FAM20C: variants seen among roughly 807,000 people sequenced by gnomAD.
FAM20C encodes extracellular serine/threonine protein kinase FAM20C.
A neutral mutation model predicts 51.5 loss-of-function variants in FAM20C; 40 were observed. That is an observed-to-expected ratio of 0.78 (90% CI 0.60 to 1.01). The LOEUF (loss-of-function observed/expected upper bound fraction) is 1.01. Ranked by LOEUF, FAM20C falls within the 50% of genes least tolerant of loss-of-function variation. The pLI is 0.00. For missense variants in FAM20C, 861 were observed against 844.7 expected (o/e 1.02, Z -0.24); for synonymous variants, 406 against 380.6 (o/e 1.07, Z -0.78).
At chr7:209,055 G>T in intron 3 of FAM20C, 79 bp downstream of exon 3, 3 of 1,406,030 alleles carry the variant, frequency 2.1e-6, no homozygotes, top group South Asian at 2.5e-5. Context: ...TGCTGGGGAT[G>T]GCCGTGTCTC....
At chr7:195,936 T>C (rs1785845564) in intron 2 of FAM20C, among the ~76,000 whole-genome samples, 1 of 152,206 alleles carries the variant, frequency 6.6e-6, no homozygotes, top group Admixed American at 6.5e-5. Context: ...GCTCCTGATC[T>C]GCCGCACGAT....
intron 2 of FAM20C, among the ~76,000 whole-genome samples, chr7:207,683 G>C (rs894777082): frequency 6.6e-6 from 1 of 152,238 alleles, no homozygotes; most frequent in Non-Finnish European, 1.5e-5. Flanking sequence ...CCAGTCCCTG[G>C]TGTGGCCCCG....
chr7:235,371 G>C (rs977697172), intron 3 of FAM20C, among the ~76,000 whole-genome samples: 1 of 152,144 alleles, frequency 6.6e-6, no homozygotes, highest in African/African-American at 2.4e-5. Context: ...AGTGGAGCCC[G>C]TGACATGAGT....
At chr7:249,171 C>G (rs1271350025) in intron 5 of FAM20C, among the ~76,000 whole-genome samples, 1 of 152,260 alleles carries the variant, frequency 6.6e-6, no homozygotes, top group Admixed American at 6.5e-5. Context: ...GACCTCCCCA[C>G]TCGGACTTAA....
At chr7:254,881 G>A (rs1034932178) in intron 5 of FAM20C, among the ~76,000 whole-genome samples, 4 of 152,170 alleles carry the variant, frequency 2.6e-5, no homozygotes, top group Admixed American at 6.5e-5. Flanking sequence ...GGCCTCCTTC[G>A]CGGAGCACAG....
chr7:258,670 G>C lies in FAM20C; in HGVS notation c.1470G>C (p.Glu490Asp). 6.5e-7 allele frequency: 1 copy of C among 1,536,746 alleles called. No individual in the cohort carries two copies. Among genetic ancestry groups the C allele is most frequent in the Non-Finnish European group, 8.7e-7 (1 of 1,146,552 alleles). ...GGTTTGGGAAGTATTCGCACGACGAGCTCTCCATCCTGGTGCCGCTACAGC... is the reference window on the plus strand; with the variant it reads ...GGTTTGGGAAGTATTCGCACGACGACCTCTCCATCCTGGTGCCGCTACAGC... Reference protein sequence around the residue: ...GRGFGKYSHDELSILVPLQQC... With the variant: ...GRGFGKYSHDDLSILVPLQQC... The change falls in exon 9 of 10, where the codon GAG (glutamate) becomes GAC (aspartate). Residue 490 changes from glutamate to aspartate, a missense_variant. Physicochemically the swap from Glu to Asp is conservative, Grantham distance 45. Around this residue, in one of 3 missense-constraint regions of FAM20C, gnomAD observed 269 missense variants for 283.8 expected, o/e 0.95. Transcript: ENST00000313766.
At chr7:220,931 G>A (rs1434599710) in intron 3 of FAM20C, among the ~76,000 whole-genome samples, 1 of 151,296 alleles carries the variant, frequency 6.6e-6, no homozygotes, top group Non-Finnish European at 1.5e-5. Context: ...TCTCTAGCAG[G>A]GCAGGGGGCT....
At chr7:204,156 G>A (rs112056630) in intron 2 of FAM20C, among the ~76,000 whole-genome samples, 28 of 149,410 alleles carry the variant, frequency 1.9e-4, no homozygotes, top group African/African-American at 6.0e-4. Context: ...TGGTTATGGC[G>A]TCTAAGTTTT....
chr7:243,947 T>TAATA (rs1554254472), intron 3 of FAM20C, among the ~76,000 whole-genome samples: 25 of 106,900 alleles, frequency 2.3e-4, no homozygotes, highest in South Asian at 1.8e-3. Context: ...TAATAATAAT[T>TAATA]ATTATTATTA....
intron 4 of FAM20C, among the ~76,000 whole-genome samples, chr7:247,119 T>C (rs981976072): frequency 2.0e-5 from 3 of 152,156 alleles, no homozygotes; most frequent in African/African-American, 7.2e-5. Flanking sequence ...GCAGGCTTCC[T>C]AAGGAGGGGG....
intron 2 of FAM20C, among the ~76,000 whole-genome samples, chr7:207,790 G>A (rs541237189): frequency 9.5e-4 from 145 of 152,206 alleles, no homozygotes; most frequent in Non-Finnish European, 1.7e-3. Flanking sequence ...GGAGGCCCTC[G>A]CTGTGGCCAG....
In FAM20C at chr7:229,502, C is replaced by T. The variant is rs567504490; in HGVS notation, c.864-16913C>T. ...GCAGCCCTGTGGCTGGAGAGCTCGC[C>T]GTCCTCACGCAAACAGTCCAGACCA... is the stretch of plus-strand genomic sequence containing the variant. On this transcript the variant is annotated intron_variant, in intron 3 of 9. Transcript: ENST00000313766. The T allele has an allele frequency of 1.6e-4, 25 of 157,444 alleles. No individual in the cohort carries two copies. In the East Asian group the frequency reaches 3.0e-3, roughly 19 times the overall value. The allele number at this position is 157,444 out of a possible 1,614,324, so 9.8% of individuals were successfully genotyped here. A position where few individuals can be genotyped will look rare whatever the true frequency, so the allele number is the denominator to read the frequency against.
At chr7:241,813 A>C (rs1402151870) in intron 3 of FAM20C, among the ~76,000 whole-genome samples, 3 of 149,990 alleles carry the variant, frequency 2.0e-5, no homozygotes, top group African/African-American at 7.4e-5. Context: ...GTGAATGTGC[A>C]TCTGTGTGTG....
chr7:209,059 G>A (rs1029290408), intron 3 of FAM20C, 83 bp downstream of exon 3: 71 of 1,370,766 alleles, frequency 5.2e-5, no homozygotes, highest in African/African-American at 1.0e-4. Flanking sequence ...GGGGATGGCC[G>A]TGTCTCCTCC....
chr7:224,189 G>C (rs1038692335), intron 3 of FAM20C, among the ~76,000 whole-genome samples: 375 of 133,548 alleles, frequency 2.8e-3, no homozygotes, highest in African/African-American at 9.9e-3. Context: ...GAACGGCACC[G>C]TCACGGGGTC....
chr7:256,750 C>T lies in FAM20C; in HGVS notation c.1350C>T (p.Phe450=), dbSNP rs144664066. ...RILDVMDMTI[F]DFLMGNMDRH... Reference sequence around the variant, plus strand: ...TGGACGTCATGGACATGACGATCTTCGACTTCCTCATGGGTACGTCCCGCA... The same window carrying T: ...TGGACGTCATGGACATGACGATCTTTGACTTCCTCATGGGTACGTCCCGCA... The change falls in exon 7 of 10, where the codon TTC becomes TTT. Residue 450 remains phenylalanine (F), a synonymous_variant. Transcript: ENST00000313766. 2.9e-3 allele frequency: 4,399 copies of T among 1,536,128 alleles called. 101 individuals are homozygous for T. The African/African-American group carries it at 0.051, about 18-fold the overall frequency.
At chr7:247,675 T>C (rs1788222681) in intron 4 of FAM20C, among the ~76,000 whole-genome samples, 1 of 140,990 alleles carries the variant, frequency 7.1e-6, no homozygotes, top group South Asian at 2.1e-4. Flanking sequence ...GGGCTTTTTA[T>C]GAAAAGAAAG....
intron 6 of FAM20C, 144 bp from the exon 7 acceptor site, chr7:256,510 T>G: frequency 1.5e-6 from 1 of 683,506 alleles, no homozygotes; most frequent in South Asian, 1.8e-5. Flanking sequence ...CTCCCGCTAA[T>G]GCAGCCTCAG....
At position 224,430 on chromosome 7, in the gene FAM20C, C is replaced by T. The variant is rs1231941965; in HGVS notation, c.863+15454C>T. Among the ~76,000 whole-genome samples the T allele has an allele frequency of 4.9e-4, 9 of 18,526 alleles. 1 individual carries two copies. Among genetic ancestry groups the T allele is most frequent in the Admixed American group, 2.3e-3 (8 of 3,426 alleles). 12.2% of individuals were successfully genotyped at this position (18,526 alleles called of 152,430 possible). A position where few individuals can be genotyped will look rare whatever the true frequency, so the allele number is the denominator to read the frequency against. ...CTCACTGAGCAGAACGGCACCCTCA[C>T]GGGGTCGCACGGCGGCTGTCCCCTG... On this transcript the variant is annotated intron_variant, in intron 3 of 9. Coordinates refer to ENST00000313766, the MANE Select transcript of FAM20C (RefSeq NM_020223.4).
Sources: gnomAD v4.1 joint callset for allele counts (sites outside exome capture counted in the v4.1 genomes callset) on GRCh38, gnomAD v4.1.1 for gene constraint, gnomAD v4.1.1 regional missense constraint, MANE v1.5 for transcripts, NCBI Gene and HGNC (gene_info 2026-07-23, HGNC 2026-07-21) for gene names.